The following NELFB variants were observed in gnomAD, a reference collection of about 807,000 sequenced individuals.
The protein encoded by NELFB is negative elongation factor complex member B, also known as negative elongation factor B.
A neutral mutation model predicts 60.2 loss-of-function variants in NELFB; 34 were observed. The ratio of observed to expected loss-of-function variants is 0.56; its 90% confidence interval spans 0.43 to 0.75. The LOEUF is 0.75. Ranked by LOEUF, NELFB falls within the 30% of genes least tolerant of loss-of-function variation. The probability of loss-of-function intolerance (pLI) is 0.00; values close to 1 mark genes in which losing one functional copy is unlikely to be tolerated. For missense variants in NELFB, 770 were observed against 831.6 expected (o/e 0.93, Z 0.91); for synonymous variants, 459 against 382.1 (o/e 1.20, Z -2.35).
chr9:137,267,489 CCT>C, intron 10 of NELFB, 143 bp downstream of exon 10: 1 of 585,154 alleles, frequency 1.7e-6, no homozygotes. Flanking sequence ...TTTGTTTTCA[CCT>C]TTTTTTTTTT....
At chr9:137,271,742 G>A (rs1010387475) in intron 10 of NELFB, among the ~76,000 whole-genome samples, 2 of 152,054 alleles carry the variant, frequency 1.3e-5, no homozygotes, top group African/African-American at 2.4e-5. Context: ...GGAGCACCTC[G>A]TTTTTCTGTC....
intron 10 of NELFB, among the ~76,000 whole-genome samples, chr9:137,268,145 A>C (rs903590814): frequency 2.6e-5 from 4 of 151,852 alleles, no homozygotes; most frequent in African/African-American, 9.7e-5. Context: ...TGTGGGTCCC[A>C]TGGGAGATGG....
intron 4 of NELFB, among the ~76,000 whole-genome samples, chr9:137,259,860 G>A (rs1346434445): frequency 1.3e-5 from 2 of 149,024 alleles, no homozygotes; most frequent in Non-Finnish European, 3.0e-5. Flanking sequence ...AAGTAGCTGG[G>A]ACTACAGGCG....
chr9:137,267,033 T>G lies in NELFB; in HGVS notation c.1329T>G (p.Ala443=). ...TCAATGTGGATCAGAAACTTCCGGC[T>G]GAGGAGAAAGCCCCAGTCTCATATC... The change falls in exon 9 of 13, where the codon GCT becomes GCG. Residue 443 remains alanine, a synonymous_variant. Coordinates refer to ENST00000343053, the MANE Select transcript of NELFB (RefSeq NM_015456.5). The G allele has an allele frequency of 6.2e-7, 1 of 1,614,062 alleles. No individual in the cohort carries two copies. Among genetic ancestry groups the G allele is most frequent in the Non-Finnish European group, 8.5e-7 (1 of 1,180,016 alleles).
chr9:137,256,747 C>T (rs891786803), intron 3 of NELFB, 77 bp from the exon 4 acceptor site: 1 of 1,402,240 alleles, frequency 7.1e-7, no homozygotes, highest in African/African-American at 1.4e-5. Context: ...CTCTGCGGGG[C>T]TGAGGCCTCT....
At chr9:137,266,834 G>C (rs915168689) in intron 8 of NELFB, 110 bp from the exon 9 acceptor site, 2 of 1,318,754 alleles carry the variant, frequency 1.5e-6, no homozygotes, top group Non-Finnish European at 2.1e-6. Context: ...AGGGAGGGTC[G>C]GTGAGGTATC....
At chr9:137,263,356 T>G (rs1588187126) in intron 5 of NELFB, 134 bp downstream of exon 5, 3 of 443,300 alleles carry the variant, frequency 6.8e-6, no homozygotes, top group Non-Finnish European at 1.1e-5. Context: ...CCTCCCTCCC[T>G]CCCTCCTTCT....
intron 4 of NELFB, 72 bp from the exon 5 acceptor site, chr9:137,262,965 G>T (rs985670728): frequency 1.9e-6 from 3 of 1,540,790 alleles, no homozygotes; most frequent in South Asian, 1.2e-5. Context: ...CCGCGCTGTC[G>T]CCGGGCGTGA....
intron 4 of NELFB, 141 bp downstream of exon 4, chr9:137,257,195 C>A: frequency 2.9e-6 from 2 of 686,626 alleles, no homozygotes; most frequent in Non-Finnish European, 4.9e-6. Flanking sequence ...TGGGGGAGGG[C>A]TGGCTTGTAC....
intron 10 of NELFB, among the ~76,000 whole-genome samples, chr9:137,270,990 C>T (rs1468368326): frequency 6.6e-6 from 1 of 152,286 alleles, no homozygotes; most frequent in Non-Finnish European, 1.5e-5. Context: ...TGCCGCTCCT[C>T]TGCCGACTGA....
At chr9:137,262,577 A>G (rs891118553) in intron 4 of NELFB, among the ~76,000 whole-genome samples, 7 of 152,254 alleles carry the variant, frequency 4.6e-5, no homozygotes, top group Non-Finnish European at 7.3e-5. Context: ...AAATATAATC[A>G]TATCTATGAT....
intron 10 of NELFB, among the ~76,000 whole-genome samples, chr9:137,271,363 T>C (rs1180139082): frequency 4.2e-4 from 64 of 152,260 alleles, no homozygotes; most frequent in African/African-American, 2.4e-5. Context: ...AAGGCCATCC[T>C]CAACCTGTCC....
rs773707580 is a variant in NELFB at position 137,266,339 on chromosome 9, C to T, written c.1152C>T (p.Pro384=). Residue 384 remains proline, a synonymous_variant, in exon 8 of 13, where the codon CCC becomes CCT. Transcript: ENST00000343053. ...GCCCGTCCTCCCTACAGGACAGCCC[C>T]GACCTCCTGCTGCTGCTCCGGCTGC... 47 of 1,612,584 alleles carry T rather than the reference C, an allele frequency of 2.9e-5. No homozygotes were observed. The South Asian group carries it at 3.6e-4, about 12-fold the overall frequency.
At chr9:137,262,987 C>T (rs781155219) in intron 4 of NELFB, 50 bp from the exon 5 acceptor site, 11 of 1,584,402 alleles carry the variant, frequency 6.9e-6, no homozygotes, top group Non-Finnish European at 8.6e-6. Flanking sequence ...GTCCCTGTGT[C>T]TGGCGGAGCC....
chr9:137,268,808 A>C (rs1357215460), intron 10 of NELFB, among the ~76,000 whole-genome samples: 1 of 152,060 alleles, frequency 6.6e-6, no homozygotes, highest in Non-Finnish European at 1.5e-5. Flanking sequence ...ACAGAGACAG[A>C]GATGAGACAC....
intron 6 of NELFB, among the ~76,000 whole-genome samples, chr9:137,265,177 G>A (rs923319880): frequency 2.0e-5 from 3 of 150,730 alleles, no homozygotes; most frequent in Admixed American, 6.6e-5. Context: ...ACACCAGTGC[G>A]CCTGGCCGAT....
intron 10 of NELFB, 48 bp from the exon 11 acceptor site, chr9:137,272,033 G>T (rs753722837): frequency 6.2e-7 from 1 of 1,610,320 alleles, no homozygotes; most frequent in Non-Finnish European, 8.5e-7. Context: ...GTGCCCTCTG[G>T]GGTGGGCAGG....
intron 10 of NELFB, among the ~76,000 whole-genome samples, chr9:137,268,637 G>A (rs1033911760): frequency 6.6e-6 from 1 of 152,226 alleles, no homozygotes; most frequent in African/African-American, 2.4e-5. Context: ...GGGATGGGAA[G>A]TCCGAGGTCA....
intron 7 of NELFB, 121 bp from the exon 8 acceptor site, chr9:137,266,210 G>A (rs931912525): frequency 5.6e-5 from 49 of 871,154 alleles, no homozygotes; most frequent in African/African-American, 1.0e-4. Context: ...GCTGGTGATC[G>A]CAGTCGTGTG....
Sources: gnomAD v4.1 joint callset for allele counts (sites outside exome capture counted in the v4.1 genomes callset) on GRCh38, gnomAD v4.1.1 for gene constraint, MANE v1.5 for transcripts, NCBI Gene and HGNC (gene_info 2026-07-23, HGNC 2026-07-21) for gene names.